Variants in BBS9 observed in about 807,000 individuals in gnomAD.
BBS9 encodes Bardet-Biedl syndrome 9, also known as protein PTHB1.
In BBS9, 89 loss-of-function variants were observed where a neutral mutation model predicts 117.7. The observed-to-expected ratio is 0.76, with a 90% confidence interval of 0.64 to 0.90. The LOEUF is 0.90. Among genes scored for constraint, BBS9 ranks in the 40% least tolerant of loss-of-function variants. The probability of loss-of-function intolerance (pLI) is 0.00; values close to 1 mark genes in which losing one functional copy is unlikely to be tolerated. For synonymous variants in BBS9, 379 were observed against 370.9 expected, an observed-to-expected ratio of 1.02 and a Z score of -0.25; for missense variants, 982 against 1,042.2, an observed-to-expected ratio of 0.94 and a Z score of 0.80.
chr7:33,158,629 G>A (rs768372454), intron 4 of BBS9, among the ~76,000 whole-genome samples: 2 of 152,212 alleles, frequency 1.3e-5, no homozygotes, highest in South Asian at 2.1e-4. Context: ...GCCTAGTGTC[G>A]TTTCATGCCA....
At chr7:33,527,779 C>G (rs1203483319) in intron 20 of BBS9, among the ~76,000 whole-genome samples, 1 of 152,138 alleles carries the variant, frequency 6.6e-6, no homozygotes, top group African/African-American at 2.4e-5. Flanking sequence ...TCCTCTCGGG[C>G]TGTTTTATTT....
intron 21 of BBS9, among the ~76,000 whole-genome samples, chr7:33,618,435 GA>G (rs1160705811): frequency 6.6e-6 from 1 of 151,932 alleles, no homozygotes; most frequent in Admixed American, 6.6e-5. Context: ...GTTAAATTGA[GA>G]CTACATTAAT....
In BBS9 at chr7:33,260,929, C is replaced by T. The variant is rs554528773; in HGVS notation, c.618-3361C>T. ...ATACATCACTAAGTAAATAATCAGC[C>T]TTAAATAAATATTTAAAAGTGTTTC... On this transcript the variant is annotated intron_variant, in intron 6 of 22. Coordinates refer to ENST00000242067, the MANE Select transcript of BBS9 (RefSeq NM_198428.3). 2.0e-3 allele frequency among the ~76,000 whole-genome samples: 308 copies of T among 152,286 alleles called. 2 individuals carry two copies. Among genetic ancestry groups the T allele is most frequent in the African/African-American group, 7.2e-3 (300 of 41,554 alleles).
At chr7:33,410,033 T>G (rs1830828626) in intron 19 of BBS9, among the ~76,000 whole-genome samples, 1 of 152,192 alleles carries the variant, frequency 6.6e-6, no homozygotes, top group South Asian at 2.1e-4. Flanking sequence ...TTTACTTATA[T>G]TATTCTGTCT....
intron 5 of BBS9, among the ~76,000 whole-genome samples, chr7:33,194,996 T>A (rs1784715188): frequency 6.6e-6 from 1 of 152,206 alleles, no homozygotes; most frequent in Non-Finnish European, 1.5e-5. Context: ...CATCCAGGCA[T>A]AGCTATCTGA....
At chr7:33,413,662 A>G (rs1203460513) in intron 19 of BBS9, among the ~76,000 whole-genome samples, 1 of 152,116 alleles carries the variant, frequency 6.6e-6, no homozygotes, top group African/African-American at 2.4e-5. Flanking sequence ...GTAAAAAAAA[A>G]ACAGAATGTG....
At chr7:33,159,512 G>A (rs1794538987) in intron 4 of BBS9, among the ~76,000 whole-genome samples, 1 of 152,170 alleles carries the variant, frequency 6.6e-6, no homozygotes, top group Non-Finnish European at 1.5e-5. Flanking sequence ...GCTTGGTCTT[G>A]TCTGTTGGGA....
chr7:33,451,796 AT>A (rs1207953195), intron 19 of BBS9, among the ~76,000 whole-genome samples: 1 of 151,914 alleles, frequency 6.6e-6, no homozygotes, highest in Non-Finnish European at 1.5e-5. Flanking sequence ...CATTTTAACA[AT>A]TTTTGTTTTC....
intron 19 of BBS9, among the ~76,000 whole-genome samples, chr7:33,395,455 T>TTA (rs755604186): frequency 2.6e-5 from 4 of 152,316 alleles, no homozygotes; most frequent in Non-Finnish European, 5.9e-5. Context: ...TTTGATGCTA[T>TTA]TACATGTGCT....
chr7:33,260,374 G>A (rs1797786553), intron 6 of BBS9, among the ~76,000 whole-genome samples: 1 of 152,058 alleles, frequency 6.6e-6, no homozygotes, highest in African/African-American at 2.4e-5. Context: ...GTGGACTTTT[G>A]GACTTGGAAG....
intron 19 of BBS9, among the ~76,000 whole-genome samples, chr7:33,401,236 A>G (rs1828868726): frequency 6.6e-6 from 1 of 152,156 alleles, no homozygotes; most frequent in African/African-American, 2.4e-5. Flanking sequence ...ATTCTTGGAG[A>G]TGTTTTTCCT....
rs931845389 is a variant in BBS9 at position 33,388,173 on chromosome 7, A to G, written c.2115+29A>G. 3.1e-6 allele frequency: 5 copies of G among 1,609,432 alleles called. No homozygotes were observed. In the Admixed American group the frequency reaches 5.0e-5, roughly 16 times the overall value. ...AGTATAATATCAGTAACAGTTTTCTATTACTGGCTATACTTTTTTTTGTCA... is the reference window on the plus strand; with the variant it reads ...AGTATAATATCAGTAACAGTTTTCTGTTACTGGCTATACTTTTTTTTGTCA... On this transcript the variant is annotated intron_variant, in intron 19 of 22. Coordinates refer to ENST00000242067, the MANE Select transcript of BBS9 (RefSeq NM_198428.3).
chr7:33,160,836 C>T (rs1794731405), intron 4 of BBS9, among the ~76,000 whole-genome samples: 1 of 152,158 alleles, frequency 6.6e-6, no homozygotes, highest in South Asian at 2.1e-4. Context: ...TGATTGTCCT[C>T]AGTCAGCAGA....
chr7:33,238,516 A>G (rs1049691918), intron 5 of BBS9, among the ~76,000 whole-genome samples: 4 of 151,898 alleles, frequency 2.6e-5, no homozygotes, highest in Non-Finnish European at 4.4e-5. Context: ...CTGGTCTCGA[A>G]CTCCCAACCT....
Position 33,227,401 on chromosome 7 carries a change from T to A in BBS9, c.443-29835T>A, listed in dbSNP as rs149044863. 7.8e-3 allele frequency among the ~76,000 whole-genome samples: 1,189 copies of A among 152,102 alleles called. 18 individuals are homozygous for A. Among genetic ancestry groups the A allele is most frequent in the African/African-American group, 0.027 (1,135 of 41,502 alleles). On this transcript the variant is annotated intron_variant, in intron 5 of 22. Coordinates refer to ENST00000242067, the MANE Select transcript of BBS9 (RefSeq NM_198428.3). The stretch of plus-strand genomic sequence containing the variant: ...GACCTCAAGTGATCCCCTGCCTTGA[T>A]CCTCCAAAGTGCTGAGATTACAGGT...
At chr7:33,134,284 C>T (rs1017018518) in intron 1 of BBS9, among the ~76,000 whole-genome samples, 3 of 145,044 alleles carry the variant, frequency 2.1e-5, no homozygotes, top group Non-Finnish European at 4.5e-5. Flanking sequence ...AGGCTGGTCT[C>T]GAACTTCTGG....
intron 6 of BBS9, among the ~76,000 whole-genome samples, chr7:33,262,443 GGATGATGTTCTA>G (rs1179948924): frequency 1.3e-5 from 2 of 152,130 alleles, no homozygotes; most frequent in Admixed American, 6.5e-5. Flanking sequence ...ACAAGCTTTG[GGATGATGTTCTA>G]GTCACCAGCG....
chr7:33,576,025 TA>T (rs1651489985), intron 21 of BBS9, among the ~76,000 whole-genome samples: 1 of 152,152 alleles, frequency 6.6e-6, no homozygotes, highest in Admixed American at 6.5e-5. Flanking sequence ...TCACCTCTCC[TA>T]TTCAATGTAG....
intron 9 of BBS9, among the ~76,000 whole-genome samples, chr7:33,330,644 G>C (rs1210053839): frequency 6.6e-6 from 1 of 152,062 alleles, no homozygotes; most frequent in Non-Finnish European, 1.5e-5. Context: ...GTTAAGGCAG[G>C]AATCTGTTTA....
Sources: allele counts gnomAD v4.1 joint callset (sites outside exome capture counted in the v4.1 genomes callset), GRCh38; gene constraint gnomAD v4.1.1; transcripts MANE v1.5; gene names NCBI Gene and HGNC (gene_info 2026-07-23, HGNC 2026-07-21).